The following CARMIL2 variants were observed in gnomAD, a reference collection of about 807,000 sequenced individuals.
CARMIL2 encodes capping protein, Arp2/3 and myosin-I linker protein 2.
Under a neutral mutation model 173.3 loss-of-function variants are expected in CARMIL2, and 96 were observed. The observed-to-expected ratio is 0.55, with a 90% CI of 0.47 to 0.66. The LOEUF (loss-of-function observed/expected upper bound fraction) is 0.66. Among genes scored for constraint, CARMIL2 ranks in the 30% least tolerant of loss-of-function variants. CARMIL2 has a pLI of 0.00. For missense variants in CARMIL2, 1,771 were observed against 1,906.7 expected (o/e 0.93, Z 1.33); for synonymous variants, 830 against 817.1 (o/e 1.02, Z -0.27).
Position 67,646,658 on chromosome 16 carries a change from A to G in CARMIL2, c.467-56A>G. 1.3e-6 allele frequency: 2 copies of G among 1,595,426 alleles called. No individual in the cohort carries two copies. The highest frequency in any genetic ancestry group is 1.7e-5 in the Admixed American group (1 of 59,986). On this transcript the variant is annotated intron_variant, in intron 6 of 37. Coordinates refer to ENST00000334583, the MANE Select transcript of CARMIL2 (RefSeq NM_001013838.3). This position sits in a 1 kb window ranked among gnomAD's most constrained non-coding sequence, Gnocchi z 4.6. Reference sequence around the variant, plus strand: ...TAGTCTGTGGGTCTGGTCTTCCTCCATCGCTGATGTTTTGTCTCTCTCCTT... The same window carrying G: ...TAGTCTGTGGGTCTGGTCTTCCTCCGTCGCTGATGTTTTGTCTCTCTCCTT...
At position 67,651,471 on chromosome 16, in the gene CARMIL2, G is replaced by A; in HGVS notation, c.2384G>A (p.Gly795Asp). 2 of 1,599,814 alleles carry A rather than the reference G, an allele frequency of 1.3e-6. No homozygotes were observed. The highest frequency in any genetic ancestry group is 1.7e-6 in the Non-Finnish European group (2 of 1,171,936). Residue 795 changes from glycine to aspartate, a missense_variant, in exon 24 of 38, where the codon GGC (glycine) becomes GAC (aspartate). Physicochemically the swap from Gly to Asp is moderately conservative, Grantham distance 94. Around this residue, in one of 3 missense-constraint regions of CARMIL2, gnomAD observed 817 missense variants for 903.5 expected, o/e 0.90. Transcript: ENST00000334583. This position sits in a 1 kb window ranked among gnomAD's most constrained non-coding sequence, Gnocchi z 4.2. ...TGGCAGCTTGGGCAGAAGCTGGAGG[G>A]CCTTCTGAGACAGGTGGGCGAGGTC... Reference protein sequence around the residue: ...HHWQLGQKLEGLLRQVGEVCR... With the variant: ...HHWQLGQKLEDLLRQVGEVCR...
At chr16:67,656,351 G>A in intron 34 of CARMIL2, 52 bp downstream of exon 34, 2 of 1,611,534 alleles carry the variant, frequency 1.2e-6, no homozygotes, top group Non-Finnish European at 1.7e-6. Context: ...ACAGGCAGGA[G>A]TTGGGTCAGA....
chr16:67,653,714 T>C lies in CARMIL2; in HGVS notation c.3121-435T>C, dbSNP rs1335599127. 6.7e-6 allele frequency among the ~76,000 whole-genome samples: 1 copy of C among 149,922 alleles called. No individual in the cohort carries two copies. Among genetic ancestry groups the C allele is most frequent in the Non-Finnish European group, 1.5e-5 (1 of 67,674 alleles). On this transcript the variant is annotated intron_variant, in intron 29 of 37. Coordinates refer to ENST00000334583, the MANE Select transcript of CARMIL2 (RefSeq NM_001013838.3). This position sits in a 1 kb window ranked among gnomAD's most constrained non-coding sequence, Gnocchi z 7.4. ...GGCGGAGGGCGGGGAGGAGCCGGCT[T>C]GAGGCCCCCCAGAGGGTCTGACGCA... is the stretch of plus-strand genomic sequence containing the variant.
Position 67,648,659 on chromosome 16 carries a change from C to T in CARMIL2, c.1440-26C>T. On this transcript the variant is annotated intron_variant, in intron 15 of 37. Transcript: ENST00000334583. The surrounding 1 kb of genome is among the most constrained non-coding windows in gnomAD (Gnocchi z 6.1). ...CTGGAGCCCCCTGTCCCAGCTCCCG[C>T]CACCCCGTGTAACGTCCTCTCCCAG... 3 of 1,590,492 alleles carry T rather than the reference C, an allele frequency of 1.9e-6. No homozygotes were observed. The highest frequency in any genetic ancestry group is 2.6e-6 in the Non-Finnish European group (3 of 1,169,240).
At chr16:67,647,268 A>G (rs757718666) in intron 9 of CARMIL2, 31 bp from the exon 10 acceptor site, 7 of 1,610,294 alleles carry the variant, frequency 4.3e-6, no homozygotes, top group Non-Finnish European at 5.9e-6. Flanking sequence ...GCCAGGGTGC[A>G]GCCCGTGAGC....
At chr16:67,645,974 G>A (rs1198169607) in intron 3 of CARMIL2, 44 bp from the exon 4 acceptor site, 5 of 1,611,534 alleles carry the variant, frequency 3.1e-6, no homozygotes, top group African/African-American at 2.7e-5. Context: ...TTCCATGAGG[G>A]CGGGGCTGGG....
rs1261823980 is a variant in CARMIL2 at position 67,645,264 on chromosome 16, C to A, written c.18C>A (p.Asp6Glu). ...CCCGGCCCATGGCCCAGACCCCCGA[C>A]GGCATCTCCTGTGAGCTCCGAGGTA... is the stretch of plus-strand genomic sequence containing the variant. MAQTP[D>E]GISCELRGEI... is the part of the protein sequence containing the mutation. The change falls in exon 1 of 38, where the codon GAC becomes GAA. Residue 6 changes from aspartate (D) to glutamate (E), a missense_variant. This residue lies in a region of CARMIL2 where 944 missense variants were observed against 975.6 expected (regional missense o/e 0.97). Transcript: ENST00000334583. 2 of 1,603,040 alleles carry A rather than the reference C, an allele frequency of 1.2e-6. No individual in the cohort carries two copies. The highest frequency in any genetic ancestry group is 1.7e-6 in the Non-Finnish European group (2 of 1,175,658).
chr16:67,652,201 G>T lies in CARMIL2; in HGVS notation c.2679G>T (p.Val893=). The part of the protein sequence containing the change: ...AGLSAARDQL[V]ESLAQQATVT... Reference sequence around the variant, plus strand: ...TCTTTGGCTGCTTGGTATTGCAGGTGGAGAGTCTGGCTCAGCAGGCAACAG... The same window carrying T: ...TCTTTGGCTGCTTGGTATTGCAGGTTGAGAGTCTGGCTCAGCAGGCAACAG... The change falls in exon 27 of 38, where the codon GTG becomes GTT. Residue 893 remains valine, a splice_region_variant and synonymous_variant. Transcript: ENST00000334583. The surrounding 1 kb of genome is among the most constrained non-coding windows in gnomAD (Gnocchi z 4.7). 6.2e-7 allele frequency: 1 copy of T among 1,612,100 alleles called. No individual in the cohort carries two copies.
In CARMIL2 at chr16:67,653,815, G is replaced by A. The variant is rs1160428312; in HGVS notation, c.3121-334G>A. 6.6e-6 allele frequency among the ~76,000 whole-genome samples: 1 copy of A among 152,110 alleles called. No homozygotes were observed. Among genetic ancestry groups the A allele is most frequent in the Non-Finnish European group, 1.5e-5 (1 of 67,992 alleles). On this transcript the variant is annotated intron_variant, in intron 29 of 37. Transcript: ENST00000334583. The surrounding 1 kb of genome is among the most constrained non-coding windows in gnomAD (Gnocchi z 7.4). ...TGGGGGACACTGCAGGGAACTGTTC[G>A]GAGCAGAGCTGGTGGCAAGTGGGAA... is the stretch of plus-strand genomic sequence containing the variant.
chr16:67,652,639 G>A lies in CARMIL2; in HGVS notation c.2884+101G>A. On this transcript the variant is annotated intron_variant, in intron 28 of 37. Transcript: ENST00000334583. This position sits in a 1 kb window ranked among gnomAD's most constrained non-coding sequence, Gnocchi z 4.7. ...GGATGAACTCATTCAGCCTTGTCTG[G>A]GTACCCACCAGCCCTTGACTGGGCC... The A allele has an allele frequency of 8.5e-7, 1 of 1,174,386 alleles. No individual in the cohort carries two copies. The allele number at this position is 1,174,386 out of a possible 1,614,324, so 72.7% of individuals were successfully genotyped here.
intron 8 of CARMIL2, 33 bp downstream of exon 8, chr16:67,647,006 G>A: frequency 6.2e-7 from 1 of 1,610,068 alleles, no homozygotes; most frequent in East Asian, 2.2e-5. Flanking sequence ...AGAGGAGGAA[G>A]ATCCCGGGGC....
chr16:67,656,320 G>A (rs376083436), intron 34 of CARMIL2, 21 bp downstream of exon 34: 9 of 1,613,616 alleles, frequency 5.6e-6, no homozygotes, highest in African/African-American at 4.0e-5. Flanking sequence ...GCCACTGTGT[G>A]TGTTGGTAGT....
chr16:67,651,308 C>T lies in CARMIL2; in HGVS notation c.2306C>T (p.Ser769Phe), dbSNP rs1403641742. ...AEDAIQNANF[S>F]LSILPILYEA... The stretch of plus-strand genomic sequence containing the variant: ...GATGCCATCCAAAATGCCAACTTCT[C>T]TCTCAGCGTGAGCACTCCCCCTCCT... The change falls in exon 23 of 38, where the codon TCT (serine) becomes TTT (phenylalanine). Residue 769 changes from serine to phenylalanine, a missense_variant. By Grantham distance (155) the Ser-to-Phe change is radical. Around this residue, in one of 3 missense-constraint regions of CARMIL2, gnomAD observed 817 missense variants for 903.5 expected, o/e 0.90. Coordinates refer to ENST00000334583, the MANE Select transcript of CARMIL2 (RefSeq NM_001013838.3). This position sits in a 1 kb window ranked among gnomAD's most constrained non-coding sequence, Gnocchi z 4.2. The T allele has an allele frequency of 3.1e-6, 5 of 1,613,464 alleles. No individual in the cohort carries two copies. The highest frequency in any genetic ancestry group is 4.2e-6 in the Non-Finnish European group (5 of 1,179,818).
rs889823594 is a variant in CARMIL2 at position 67,653,996 on chromosome 16, G to A, written c.3121-153G>A. On this transcript the variant is annotated intron_variant, in intron 29 of 37. Coordinates refer to ENST00000334583, the MANE Select transcript of CARMIL2 (RefSeq NM_001013838.3). The surrounding 1 kb of genome is among the most constrained non-coding windows in gnomAD (Gnocchi z 7.4). ...TGAAATCTGGAGTCTCTGTCCAGCA[G>A]CAGGACAGTAGGAGGCTGGTATCAG... is the stretch of plus-strand genomic sequence containing the variant. Among the ~76,000 whole-genome samples the A allele has an allele frequency of 2.0e-5, 3 of 150,726 alleles. No individual in the cohort carries two copies. The highest frequency in any genetic ancestry group is 4.4e-5 in the Non-Finnish European group (3 of 67,786).
rs770980286 is a variant in CARMIL2 at position 67,652,221 on chromosome 16, C to T, written c.2699C>T (p.Ala900Val). The change falls in exon 27 of 38, where the codon GCA becomes GTA. Residue 900 changes from alanine to valine, a missense_variant. Around this residue, in one of 3 missense-constraint regions of CARMIL2, gnomAD observed 817 missense variants for 903.5 expected, o/e 0.90. Coordinates refer to ENST00000334583, the MANE Select transcript of CARMIL2 (RefSeq NM_001013838.3). This position sits in a 1 kb window ranked among gnomAD's most constrained non-coding sequence, Gnocchi z 4.7. ...CAGGTGGAGAGTCTGGCTCAGCAGG[C>T]AACAGTGACAATGCCCCCTGCCCTA... ...DQLVESLAQQ[A>V]TVTMPPALPA... is the part of the protein sequence containing the mutation. The T allele has an allele frequency of 1.2e-6, 2 of 1,612,886 alleles. No individual in the cohort carries two copies. Among genetic ancestry groups the T allele is most frequent in the East Asian group, 4.5e-5 (2 of 44,878 alleles).
Position 67,645,443 on chromosome 16 carries a change from C to T in CARMIL2, c.41-97C>T, listed in dbSNP as rs909039770. ...TCCTCTCCCCTCCTTCCTCGCTGGC[C>T]GCAGATAAGCCCCAGGGCCCCAGCC... On this transcript the variant is annotated intron_variant, in intron 1 of 37. Transcript: ENST00000334583. 6.8e-5 allele frequency: 94 copies of T among 1,381,762 alleles called. 1 individual carries two copies. Among genetic ancestry groups the T allele is most frequent in the Middle Eastern group, 1.9e-4 (1 of 5,276 alleles). The allele number at this position is 1,381,762 out of a possible 1,614,324, so 85.6% of individuals were successfully genotyped here. A position where few individuals can be genotyped will look rare whatever the true frequency, so the allele number is the denominator to read the frequency against.
Position 67,647,947 on chromosome 16 carries a change from G to C in CARMIL2, c.1060G>C (p.Glu354Gln). ...GAATCCTGGGGCGCTGGGGGCCTCC[G>C]AGGACAGTGGGGTGAGTGGCTGTCT... ...SGNPGALGASEDSGGLYSFLS... is the reference protein window; with the variant it reads ...SGNPGALGASQDSGGLYSFLS... Residue 354 changes from glutamate (E) to glutamine (Q), a missense_variant, in exon 13 of 38, where the codon GAG becomes CAG. By Grantham distance (29) the Glu-to-Gln change is conservative. This residue lies in a region of CARMIL2 where 944 missense variants were observed against 975.6 expected (regional missense o/e 0.97). Coordinates refer to ENST00000334583, the MANE Select transcript of CARMIL2 (RefSeq NM_001013838.3). The C allele has an allele frequency of 6.2e-7, 1 of 1,608,230 alleles. No homozygotes were observed. Among genetic ancestry groups the C allele is most frequent in the Middle Eastern group, 1.7e-4 (1 of 6,028 alleles).
rs752054318 is a variant in CARMIL2, at chr16:67,649,539, G to A, written c.1839G>A (p.Ala613=). The stretch of plus-strand genomic sequence containing the variant: ...TAGCCACCAATCCTAACCTGACCGC[G>A]CTGGATATCAGCGGCAACGCCATGG... ...RALATNPNLT[A]LDISGNAMGD... The change falls in exon 20 of 38, where the codon GCG becomes GCA. Residue 613 remains alanine, a synonymous_variant. Coordinates refer to ENST00000334583, the MANE Select transcript of CARMIL2 (RefSeq NM_001013838.3). The surrounding 1 kb of genome is among the most constrained non-coding windows in gnomAD (Gnocchi z 6.7). The A allele has an allele frequency of 1.9e-6, 3 of 1,605,814 alleles. No homozygotes were observed. Among genetic ancestry groups the A allele is most frequent in the African/African-American group, 1.3e-5 (1 of 74,924 alleles).
In CARMIL2 at chr16:67,654,689, C is replaced by CA; in HGVS notation, c.3581dup (p.Arg1195AlafsTer16). 1.3e-6 allele frequency: 2 copies of CA among 1,593,234 alleles called. No homozygotes were observed. The highest frequency in any genetic ancestry group is 1.7e-6 in the Non-Finnish European group (2 of 1,168,688). On this transcript the variant is annotated frameshift_variant, in exon 31 of 38. Coordinates refer to ENST00000334583, the MANE Select transcript of CARMIL2 (RefSeq NM_001013838.3). LOFTEE classifies it high-confidence loss of function. ...AGGCAACGCTGGGTGCCAGACCCGA[C>CA]AAGGTGAGGCTTGCTGATGGGGGGT...
Sources: gnomAD v4.1 joint callset for allele counts (sites outside exome capture counted in the v4.1 genomes callset) on GRCh38, gnomAD v4.1.1 for gene constraint, gnomAD v4.1.1 regional missense constraint, Gnocchi (gnomAD v3.1) non-coding constraint, MANE v1.5 for transcripts, NCBI Gene and HGNC (gene_info 2026-07-23, HGNC 2026-07-21) for gene names.